The following ZBTB16 variants were observed in gnomAD, a reference collection of about 807,000 sequenced individuals.
The protein encoded by ZBTB16 is zinc finger and BTB domain-containing protein 16.
ZBTB16 carries 8 observed loss-of-function variants against 56.8 expected under a neutral mutation model. The ratio of observed to expected loss-of-function variants is 0.14; its 90% CI spans 0.08 to 0.25. ZBTB16 has a LOEUF of 0.25. Ranked by LOEUF, ZBTB16 falls within the 10% of genes least tolerant of loss-of-function variation. The pLI, the probability that ZBTB16 is intolerant of heterozygous loss-of-function variation, is 1.00. For missense variants in ZBTB16, 625 were observed against 903.0 expected (o/e 0.69, Z 3.95); for synonymous variants, 363 against 368.5 (o/e 0.98, Z 0.17).
intron 1 of ZBTB16, among the ~76,000 whole-genome samples, chr11:114,062,211 C>G (rs960092986): frequency 2.0e-5 from 3 of 151,768 alleles, no homozygotes; most frequent in African/African-American, 4.8e-5. Context: ...TCAAGTGATT[C>G]TCCTGCCTCA....
At chr11:114,204,656 C>A (rs1260356556) in intron 4 of ZBTB16, among the ~76,000 whole-genome samples, 1 of 152,116 alleles carries the variant, frequency 6.6e-6, no homozygotes, top group Non-Finnish European at 1.5e-5. Flanking sequence ...CTTCCAGGGG[C>A]TCCAGGCAGG....
At chr11:114,144,045 T>A (rs899207026) in intron 2 of ZBTB16, among the ~76,000 whole-genome samples, 1 of 152,040 alleles carries the variant, frequency 6.6e-6, no homozygotes, top group Admixed American at 6.5e-5. Flanking sequence ...GGAAGAGGAT[T>A]CGTATTTGTT....
chr11:114,100,841 G>T (rs987686145), intron 2 of ZBTB16, among the ~76,000 whole-genome samples: 6 of 152,120 alleles, frequency 3.9e-5, no homozygotes, highest in African/African-American at 1.4e-4. Flanking sequence ...AAAGATCAGC[G>T]ATCTACAGCT....
At chr11:114,214,344 G>C (rs1944052831) in intron 4 of ZBTB16, among the ~76,000 whole-genome samples, 1 of 152,180 alleles carries the variant, frequency 6.6e-6, no homozygotes, top group Non-Finnish European at 1.5e-5. Flanking sequence ...AGTTATTTGT[G>C]AAGTTTTTTG....
intron 2 of ZBTB16, among the ~76,000 whole-genome samples, chr11:114,149,798 C>A (rs145779147): frequency 1.2e-3 from 189 of 152,248 alleles, no homozygotes; most frequent in African/African-American, 4.4e-3. Flanking sequence ...ATGAAAGTGA[C>A]CCATTCCCCA....
At chr11:114,090,263 G>A (rs562929010) in intron 2 of ZBTB16, among the ~76,000 whole-genome samples, 5 of 152,342 alleles carry the variant, frequency 3.3e-5, no homozygotes, top group African/African-American at 9.6e-5. Context: ...TTTCTGTGGG[G>A]TGAGGCCATT....
At chr11:114,107,708 G>A (rs935591607) in intron 2 of ZBTB16, among the ~76,000 whole-genome samples, 1 of 152,314 alleles carries the variant, frequency 6.6e-6, no homozygotes, top group Non-Finnish European at 1.5e-5. Context: ...GGGAGGAGAT[G>A]CATAATATGT....
Position 114,064,053 on chromosome 11 carries a change from G to A in ZBTB16, c.753G>A (p.Val251=). ...VKTEMMQVDE[V]PSQDSPGAAE... is the part of the protein sequence containing the mutation. Reference sequence around the variant, plus strand: ...CGGAGATGATGCAGGTGGATGAGGTGCCCAGCCAGGACAGCCCTGGGGCAG... The same window carrying A: ...CGGAGATGATGCAGGTGGATGAGGTACCCAGCCAGGACAGCCCTGGGGCAG... The change falls in exon 2 of 7, where the codon GTG becomes GTA. Residue 251 remains valine (V), a synonymous_variant. Coordinates refer to ENST00000335953, the MANE Select transcript of ZBTB16 (RefSeq NM_006006.6). This position sits in a 1 kb window ranked among gnomAD's most constrained non-coding sequence, Gnocchi z 4.2. 1 of 1,613,378 alleles carries A rather than the reference G, an allele frequency of 6.2e-7. No homozygotes were observed. Among genetic ancestry groups the A allele is most frequent in the Non-Finnish European group, 8.5e-7 (1 of 1,179,756 alleles).
chr11:114,154,696 TG>T (rs897575806), intron 2 of ZBTB16, among the ~76,000 whole-genome samples: 19 of 152,174 alleles, frequency 1.2e-4, no homozygotes, highest in African/African-American at 3.4e-4. Flanking sequence ...CAAGAGAACA[TG>T]GGGGGGTGGT....
chr11:114,085,569 G>A (rs946707856), intron 2 of ZBTB16, among the ~76,000 whole-genome samples: 2 of 152,142 alleles, frequency 1.3e-5, no homozygotes, highest in South Asian at 2.1e-4. Flanking sequence ...GAGGTATGGG[G>A]GAGCAGAGGA....
chr11:114,164,023 C>G (rs868281195), intron 3 of ZBTB16, among the ~76,000 whole-genome samples: 1 of 152,118 alleles, frequency 6.6e-6, no homozygotes, highest in Non-Finnish European at 1.5e-5. Flanking sequence ...TTCTGTTCAG[C>G]GCTGTATCTT....
intron 4 of ZBTB16, among the ~76,000 whole-genome samples, chr11:114,211,860 C>G (rs541375156): frequency 6.6e-6 from 1 of 152,120 alleles, no homozygotes; most frequent in African/African-American, 2.4e-5. Flanking sequence ...AGGCCTGGTT[C>G]GGGATTATGG....
chr11:114,210,352 T>C (rs1943976333), intron 4 of ZBTB16, among the ~76,000 whole-genome samples: 1 of 152,172 alleles, frequency 6.6e-6, no homozygotes, highest in African/African-American at 2.4e-5. Flanking sequence ...TCTTTCACTT[T>C]GGTCTTAATA....
At chr11:114,123,930 C>T (rs993392794) in intron 2 of ZBTB16, among the ~76,000 whole-genome samples, 7 of 152,098 alleles carry the variant, frequency 4.6e-5, no homozygotes, top group Non-Finnish European at 8.8e-5. Flanking sequence ...GGATACGTGC[C>T]GCAACAGAGA....
intron 2 of ZBTB16, among the ~76,000 whole-genome samples, chr11:114,068,964 A>T (rs115401862): frequency 6.6e-6 from 1 of 152,058 alleles, no homozygotes; most frequent in Non-Finnish European, 1.5e-5. Context: ...CTTGGTCTTT[A>T]TGTGTTTCTG....
chr11:114,069,766 A>G (rs1410832756), intron 2 of ZBTB16, among the ~76,000 whole-genome samples: 3 of 152,194 alleles, frequency 2.0e-5, no homozygotes, highest in Admixed American at 2.0e-4. Flanking sequence ...TGATATTAAT[A>G]ATACCTTTTA....
intron 2 of ZBTB16, among the ~76,000 whole-genome samples, chr11:114,123,749 A>G (rs780075286): frequency 6.6e-6 from 1 of 152,190 alleles, no homozygotes; most frequent in Non-Finnish European, 1.5e-5. Context: ...TCTTAGCTCT[A>G]TGTTCCAAAG....
intron 2 of ZBTB16, among the ~76,000 whole-genome samples, chr11:114,085,753 G>C (rs1004085653): frequency 2.6e-5 from 4 of 152,098 alleles, no homozygotes; most frequent in Admixed American, 1.3e-4. Context: ...GCAGGTGCCT[G>C]TATACAAGGT....
intron 2 of ZBTB16, among the ~76,000 whole-genome samples, chr11:114,144,937 G>T (rs7105948): frequency 0.28 from 42,066 of 152,130 alleles, 6,736 homozygotes; most frequent in African/African-American, 0.43. Flanking sequence ...TATGTGAAAG[G>T]AGTGCCCACT....
Sources: gnomAD v4.1 joint callset for allele counts (sites outside exome capture counted in the v4.1 genomes callset) on GRCh38, gnomAD v4.1.1 for gene constraint, Gnocchi (gnomAD v3.1) non-coding constraint, MANE v1.5 for transcripts, NCBI Gene and HGNC (gene_info 2026-07-23, HGNC 2026-07-21) for gene names.